HMG20B: variants seen among roughly 807,000 people sequenced by gnomAD.
The protein encoded by HMG20B is SWI/SNF-related matrix-associated actin-dependent regulator of chromatin subfamily E member 1-related.
A neutral mutation model predicts 41.6 loss-of-function variants in HMG20B; 24 were observed. The ratio of observed to expected loss-of-function variants is 0.58; its 90% CI spans 0.42 to 0.81. The LOEUF is 0.81. HMG20B is among the 30% of genes least tolerant of loss of function. The pLI, the probability that HMG20B is intolerant of heterozygous loss-of-function variation, is 0.00. For missense variants in HMG20B, 461 were observed against 444.0 expected, an observed-to-expected ratio of 1.04 and a Z score of -0.34; for synonymous variants, 251 against 186.6, an observed-to-expected ratio of 1.34 and a Z score of -2.81.
At chr19:3,577,314 G>C (rs1300684083) in intron 8 of HMG20B, among the ~76,000 whole-genome samples, 1 of 113,692 alleles carries the variant, frequency 8.8e-6, no homozygotes, top group African/African-American at 3.3e-5. Flanking sequence ...CTACCCCATA[G>C]CTCCGTCTGG....
chr19:3,574,276 G>A (rs976282717), intron 3 of HMG20B, 107 bp from the exon 4 acceptor site: 36 of 792,330 alleles, frequency 4.5e-5, no homozygotes, highest in Admixed American at 7.1e-5. Context: ...TCCCAGCTAG[G>A]CCCCGCCCCC....
At position 3,572,992 on chromosome 19, in the gene HMG20B, G is replaced by C. The variant is rs770711466; in HGVS notation, c.-21G>C. The C allele has an allele frequency of 2.9e-6, 1 of 350,818 alleles. No individual in the cohort carries two copies. Among genetic ancestry groups the C allele is most frequent in the Non-Finnish European group, 5.2e-6 (1 of 192,610 alleles). The allele number at this position is 350,818 out of a possible 1,614,324, so 21.7% of individuals were successfully genotyped here. ...CGGGAGGTCCGGGAAAGTTTCTTTG[G>C]AGGTGAAAACAGCCGCGGAACTCCG... On this transcript the variant is annotated splice_region_variant and 5_prime_UTR_variant, in exon 1 of 10. Transcript: ENST00000333651.
rs2032166593 is a variant in HMG20B at position 3,576,591 on chromosome 19, C to T, written c.558C>T (p.Pro186=). 6.2e-7 allele frequency: 1 copy of T among 1,613,632 alleles called. No homozygotes were observed. Among genetic ancestry groups the T allele is most frequent in the Non-Finnish European group, 8.5e-7 (1 of 1,179,770 alleles). The change falls in exon 7 of 10, where the codon CCC becomes CCT. Residue 186 remains proline (P), a synonymous_variant. Coordinates refer to ENST00000333651, the MANE Select transcript of HMG20B (RefSeq NM_006339.3). ...ATGGCTTCTCCACCTTCGATGTTCC[C>T]ATCTTCACTGAAGAGTTCTTGGACC... ...DCDGFSTFDV[P]IFTEEFLDQN...
At chr19:3,578,322 A>G in intron 9 of HMG20B, 187 bp from the exon 10 acceptor site, 4 of 1,134,954 alleles carry the variant, frequency 3.5e-6, no homozygotes, top group Non-Finnish European at 4.9e-6. Context: ...ACTCGGGGGC[A>G]CCAGAACTTC....
intron 5 of HMG20B, 157 bp from the exon 6 acceptor site, chr19:3,576,104 G>T (rs1463089160): frequency 4.6e-6 from 3 of 658,320 alleles, no homozygotes; most frequent in Non-Finnish European, 8.1e-6. Flanking sequence ...AGCCAGACAG[G>T]AGTGAAGGGG....
At position 3,576,246 on chromosome 19, in the gene HMG20B, C is replaced by T; in HGVS notation, c.473-15C>T. 1 of 1,613,274 alleles carries T rather than the reference C, an allele frequency of 6.2e-7. No homozygotes were observed. The highest frequency in any genetic ancestry group is 1.1e-5 in the South Asian group (1 of 91,072). On this transcript the variant is annotated splice_polypyrimidine_tract_variant and intron_variant, in intron 5 of 9. Coordinates refer to ENST00000333651, the MANE Select transcript of HMG20B (RefSeq NM_006339.3). Reference sequence around the variant, plus strand: ...GGCCTGGGAGGCTGACCCTGCCCTTCCCCTCCCCCGCCAGAAGACTCGAGC... The same window carrying T: ...GGCCTGGGAGGCTGACCCTGCCCTTTCCCTCCCCCGCCAGAAGACTCGAGC...
intron 5 of HMG20B, 163 bp downstream of exon 5, chr19:3,575,823 A>T (rs566562568): frequency 1.7e-6 from 1 of 589,128 alleles, no homozygotes; most frequent in African/African-American, 1.9e-5. Flanking sequence ...GGGTGCCTGT[A>T]ATCCCAGCTA....
intron 4 of HMG20B, 101 bp downstream of exon 4, chr19:3,574,687 T>C: frequency 8.9e-7 from 1 of 1,124,064 alleles, no homozygotes; most frequent in Non-Finnish European, 1.2e-6. Flanking sequence ...TTTTCCTTCT[T>C]CCTGGAGAAA....
chr19:3,573,914 C>G (rs1356757252), intron 3 of HMG20B, 114 bp downstream of exon 3: 1 of 1,042,044 alleles, frequency 9.6e-7, no homozygotes, highest in South Asian at 1.3e-5. Context: ...CCATTTTCCT[C>G]TGGAAGCTGA....
In HMG20B at chr19:3,574,613, G is replaced by A. The variant is rs749982971; in HGVS notation, c.351+27G>A. ...TGGGCGGGGCGGGGCGCCGAGCAGG[G>A]CTGGCGGGGTCCACGGACTACCCCC... is the stretch of plus-strand genomic sequence containing the variant. On this transcript the variant is annotated intron_variant, in intron 4 of 9. Transcript: ENST00000333651. 6.6e-5 allele frequency: 102 copies of A among 1,556,840 alleles called. No homozygotes were observed. The South Asian group carries it at 1.2e-3, about 18-fold the overall frequency.
chr19:3,573,354 G>T lies in HMG20B; in HGVS notation c.38+7G>T. Reference sequence around the variant, plus strand: ...AGCCCGGCGCGGCCGCCGCGTGAGTGCACTGATCCCCTCCCCACGCCCTCG... The same window carrying T: ...AGCCCGGCGCGGCCGCCGCGTGAGTTCACTGATCCCCTCCCCACGCCCTCG... On this transcript the variant is annotated splice_region_variant and intron_variant, in intron 2 of 9. Transcript: ENST00000333651. 1 of 1,534,292 alleles carries T rather than the reference G, an allele frequency of 6.5e-7. No homozygotes were observed.
chr19:3,575,092 T>C (rs974754256), intron 4 of HMG20B, among the ~76,000 whole-genome samples: 1 of 152,148 alleles, frequency 6.6e-6, no homozygotes, highest in Non-Finnish European at 1.5e-5. Flanking sequence ...CAAAGATATG[T>C]CTAAGAAGTC....
rs373206318 is a variant in HMG20B at position 3,578,463 on chromosome 19, C to G, written c.942-46C>G. ...GGTTCCCCAGGGCCGGGGTGGGGGC[C>G]AGAGATGATGAGGGCCTCATCCCGG... is the stretch of plus-strand genomic sequence containing the variant. On this transcript the variant is annotated intron_variant, in intron 9 of 9. Coordinates refer to ENST00000333651, the MANE Select transcript of HMG20B (RefSeq NM_006339.3). The G allele has an allele frequency of 3.7e-4, 546 of 1,489,164 alleles. 5 individuals carry two copies. The East Asian group carries it at 0.012, about 32-fold the overall frequency. 92.2% of individuals were successfully genotyped at this position (1,489,164 alleles called of 1,614,324 possible).
At chr19:3,574,288 T>TA in intron 3 of HMG20B, 95 bp from the exon 4 acceptor site, 2 of 394,780 alleles carry the variant, frequency 5.1e-6, no homozygotes, top group East Asian at 5.7e-5. Context: ...CCCGCCCCCA[T>TA]CCCCGCCCAT....
intron 6 of HMG20B, 103 bp from the exon 7 acceptor site, chr19:3,576,450 C>A: frequency 2.2e-6 from 3 of 1,341,430 alleles, no homozygotes; most frequent in Non-Finnish European, 3.2e-6. Flanking sequence ...TGATTGTACT[C>A]CCACCGGGGT....
intron 6 of HMG20B, 54 bp downstream of exon 6, chr19:3,576,361 C>G: frequency 6.3e-7 from 1 of 1,575,178 alleles, no homozygotes; most frequent in South Asian, 1.1e-5. Flanking sequence ...CTGGAGGCTT[C>G]TAGAACCCTG....
chr19:3,574,075 G>A lies in HMG20B; in HGVS notation c.147+275G>A, dbSNP rs117786787. 26,894 of 641,768 alleles carry A rather than the reference G, an allele frequency of 0.042. 1,066 individuals are homozygous for A. The highest frequency in any genetic ancestry group is 0.12 in the Admixed American group (4,356 of 35,472). The allele number at this position is 641,768 out of a possible 1,614,324, so 39.8% of individuals were successfully genotyped here. A position where few individuals can be genotyped will look rare whatever the true frequency, so the allele number is the denominator to read the frequency against. ...GCGGCACCCTCCCCTTGGTCCTGTG[G>A]GCCCGTTCTCCAGCAGAAAACCACG... On this transcript the variant is annotated intron_variant, in intron 3 of 9. Coordinates refer to ENST00000333651, the MANE Select transcript of HMG20B (RefSeq NM_006339.3).
intron 9 of HMG20B, 44 bp downstream of exon 9, chr19:3,578,157 G>C: frequency 6.3e-7 from 1 of 1,593,102 alleles, no homozygotes; most frequent in Non-Finnish European, 8.5e-7. Context: ...TTCAAGGCCC[G>C]GATGTGCCCG....
chr19:3,577,927 C>T (rs1439423985), intron 8 of HMG20B, 54 bp from the exon 9 acceptor site: 2 of 1,501,548 alleles, frequency 1.3e-6, no homozygotes, highest in South Asian at 2.5e-5. Context: ...CCCCTGGAGC[C>T]CCCGCCCCGC....
Sources: gnomAD v4.1 joint callset for allele counts (sites outside exome capture counted in the v4.1 genomes callset) on GRCh38, gnomAD v4.1.1 for gene constraint, MANE v1.5 for transcripts, NCBI Gene and HGNC (gene_info 2026-07-23, HGNC 2026-07-21) for gene names.